GP2: variants seen among roughly 807,000 people sequenced by gnomAD.
The protein encoded by GP2 is glycoprotein 2.
GP2 carries 58 observed loss-of-function variants against 60.8 expected under a neutral mutation model. That is an observed-to-expected ratio of 0.95 (90% CI 0.77 to 1.19). The LOEUF (loss-of-function observed/expected upper bound fraction) is 1.19. GP2 is among the 50% of genes most tolerant of loss of function. GP2 has a pLI of 0.00. For synonymous variants in GP2, 280 were observed against 253.4 expected, an observed-to-expected ratio of 1.10 and a Z score of -1.00; for missense variants, 647 against 667.4, an observed-to-expected ratio of 0.97 and a Z score of 0.34.
intron 1 of GP2, chr16:20,326,878 G>A (rs566517640): frequency 4.1e-5 from 7 of 172,204 alleles, no homozygotes; most frequent in African/African-American, 1.2e-4. Context: ...ATGCCAAACC[G>A]AGCCTCATGT....
In GP2 at chr16:20,310,762, T is replaced by TC. The variant is rs1963972327; in HGVS notation, c.*460_*461insG. On this transcript the variant is annotated 3_prime_UTR_variant, in exon 11 of 11. Coordinates refer to ENST00000302555, the MANE Select transcript of GP2 (RefSeq NM_001502.4). ...CCACTATGTTGCTTTTCTTTTTTTT[T>TC]TTTTTTTTTCCTGAGACAGAGTCTT... The TC allele has an allele frequency of 6.6e-6, 1 of 152,076 alleles. No homozygotes were observed. The highest frequency in any genetic ancestry group is 2.0e-4 in the East Asian group (1 of 5,122). 9.4% of individuals were successfully genotyped at this position (152,076 alleles called of 1,614,324 possible).
Position 20,316,425 on chromosome 16 carries a change from G to A in GP2, c.1417-385C>T, listed in dbSNP as rs1437756377. On this transcript the variant is annotated intron_variant, in intron 8 of 10. Transcript: ENST00000302555. Reference sequence around the variant, plus strand: ...GTTCCAAATGCAGGCAAGAGCAGGGGCACTGGAGCCACCTCTCGGCTGGGG... The same window carrying A: ...GTTCCAAATGCAGGCAAGAGCAGGGACACTGGAGCCACCTCTCGGCTGGGG... Among the ~76,000 whole-genome samples the A allele has an allele frequency of 3.3e-5, 5 of 152,326 alleles. No individual in the cohort carries two copies. The East Asian group carries it at 9.7e-4, about 29-fold the overall frequency.
intron 5 of GP2, 103 bp from the exon 6 acceptor site, chr16:20,319,871 A>C (rs979730341): frequency 1.9e-5 from 17 of 893,828 alleles, no homozygotes; most frequent in Non-Finnish European, 2.4e-5. Context: ...TTAACCATGC[A>C]GCCACCCTAC....
chr16:20,326,219 A>G, intron 2 of GP2, 119 bp downstream of exon 2: 1 of 758,644 alleles, frequency 1.3e-6, no homozygotes, highest in Non-Finnish European at 2.2e-6. Flanking sequence ...TCTAGCTCTG[A>G]GTTTTTGCTT....
chr16:20,323,555 C>A (rs1169398747), intron 3 of GP2: 2 of 577,766 alleles, frequency 3.5e-6, no homozygotes, highest in African/African-American at 3.7e-5. Context: ...TCAAATGGAG[C>A]CAAAATCGGA....
intron 8 of GP2, among the ~76,000 whole-genome samples, chr16:20,316,903 C>T (rs568523089): frequency 6.6e-6 from 1 of 150,648 alleles, no homozygotes; most frequent in Non-Finnish European, 1.5e-5. Flanking sequence ...TCCTGTATTC[C>T]TTTCTCCCTC....
chr16:20,316,679 T>C (rs1964183611), intron 8 of GP2, among the ~76,000 whole-genome samples: 1 of 152,156 alleles, frequency 6.6e-6, no homozygotes, highest in African/African-American at 2.4e-5. Context: ...AGTAGACAGA[T>C]TTCTTTATCA....
chr16:20,315,288 C>T (rs1671538843), intron 9 of GP2, among the ~76,000 whole-genome samples: 1 of 152,120 alleles, frequency 6.6e-6, no homozygotes, highest in South Asian at 2.1e-4. Flanking sequence ...TTATTACCAA[C>T]ATTACTGCAT....
intron 10 of GP2, 53 bp downstream of exon 10, chr16:20,314,604 A>G: frequency 8.0e-7 from 1 of 1,243,244 alleles, no homozygotes; most frequent in African/African-American, 1.5e-5. Context: ...CAGAATTGAA[A>G]AGAGAAAGGA....
Position 20,323,350 on chromosome 16 carries a change from C to T in GP2, c.536-371G>A, listed in dbSNP as rs1329942411. 7.0e-6 allele frequency: 5 copies of T among 718,350 alleles called. No individual in the cohort carries two copies. In the East Asian group the frequency reaches 1.3e-4, roughly 19 times the overall value. 44.5% of individuals were successfully genotyped at this position (718,350 alleles called of 1,614,324 possible). The stretch of plus-strand genomic sequence containing the variant: ...AGGAGAGCCCCTTAATCTCTCTGTG[C>T]CCCTAACTGGGGTAATTAGGTAGCA... On this transcript the variant is annotated intron_variant, in intron 3 of 10. Transcript: ENST00000302555.
rs1186194925 is a variant in GP2 at position 20,320,392 on chromosome 16, AG to A, written c.727del (p.Leu243TrpfsTer30). On this transcript the variant is annotated frameshift_variant, in exon 5 of 11. Coordinates refer to ENST00000302555, the MANE Select transcript of GP2 (RefSeq NM_001502.4). LOFTEE classifies it high-confidence loss of function. The part of the protein sequence containing the change: ...VKVDKCLLGG[L>X]GLGEEVIAYL... ...GGCAATGACCTCCTCCCCCAAACCC[AG>A]GCCTCCCAGCAAACATTTGTCCACC... 3 of 1,613,758 alleles carry A rather than the reference AG, an allele frequency of 1.9e-6. No homozygotes were observed. The African/African-American group carries it at 4.0e-5, about 22-fold the overall frequency.
rs1325484121 is a variant in GP2 at position 20,309,690 on chromosome 16, G to T, written c.*1533C>A. 8 of 152,266 alleles carry T rather than the reference G, an allele frequency of 5.3e-5. No individual in the cohort carries two copies. The East Asian group carries it at 9.6e-4, about 18-fold the overall frequency. The allele number at this position is 152,266 out of a possible 1,614,324, so 9.4% of individuals were successfully genotyped here. On this transcript the variant is annotated 3_prime_UTR_variant, in exon 11 of 11. Coordinates refer to ENST00000302555, the MANE Select transcript of GP2 (RefSeq NM_001502.4). ...ATACACAGTCATAAAAGGCTATGTG[G>T]CTTCAGAAAGAGGAACAGAAGGCAA...
At chr16:20,311,349 T>C (rs1381551883) in intron 10 of GP2, 68 bp from the exon 11 acceptor site, 5 of 912,896 alleles carry the variant, frequency 5.5e-6, no homozygotes, top group African/African-American at 1.6e-5. Context: ...TAAGTTGGCC[T>C]CTTTGTCTTT....
Position 20,322,920 on chromosome 16 carries a change from C to T in GP2, c.595G>A (p.Ala199Thr), listed in dbSNP as rs759438755. 16 of 1,613,280 alleles carry T rather than the reference C, an allele frequency of 9.9e-6. No homozygotes were observed. Among genetic ancestry groups the T allele is most frequent in the East Asian group, 2.2e-5 (1 of 44,888 alleles). ...AAACAGCCCCAGGTGCTGTTGAGGG[C>T]AAGGCACTCCTCCTCGGGGCGGCAG... is the stretch of plus-strand genomic sequence containing the variant. ...KACRPEEECLALNSTWGCFCR... is the reference protein window; with the variant it reads ...KACRPEEECLTLNSTWGCFCR... Residue 199 changes from alanine (A) to threonine (T), a missense_variant, in exon 4 of 11, where the codon GCC becomes ACC. Ala to Thr is a moderately conservative substitution (Grantham distance 58, BLOSUM62 0). Transcript: ENST00000302555.
At chr16:20,311,522 G>T (rs1183660435) in intron 10 of GP2, among the ~76,000 whole-genome samples, 1 of 152,098 alleles carries the variant, frequency 6.6e-6, no homozygotes, top group East Asian at 1.9e-4. Context: ...AACTAGGTGG[G>T]GCCATGTGAC....
chr16:20,320,581 G>T (rs1964327283), intron 4 of GP2, 108 bp from the exon 5 acceptor site: 1 of 760,360 alleles, frequency 1.3e-6, no homozygotes, highest in South Asian at 1.7e-5. Flanking sequence ...AGACTAGAAG[G>T]TCCCTGGGAT....
chr16:20,313,959 G>A (rs1005749571), intron 10 of GP2, among the ~76,000 whole-genome samples: 28 of 152,100 alleles, frequency 1.8e-4, no homozygotes, highest in African/African-American at 5.6e-4. Context: ...GTGCTGCCCC[G>A]CTAGCCTTGG....
At chr16:20,319,446 G>C (rs1964279192) in intron 6 of GP2, among the ~76,000 whole-genome samples, 174 bp downstream of exon 6, 1 of 152,188 alleles carries the variant, frequency 6.6e-6, no homozygotes, top group African/African-American at 2.4e-5. Flanking sequence ...CCTTGTTCAT[G>C]CTGAACATCT....
At position 20,323,035 on chromosome 16, in the gene GP2, G is replaced by A. The variant is rs773278223; in HGVS notation, c.536-56C>T. 4.1e-6 allele frequency: 4 copies of A among 965,788 alleles called. No homozygotes were observed. The East Asian group carries it at 9.7e-5, about 23-fold the overall frequency. The allele number at this position is 965,788 out of a possible 1,614,324, so 59.8% of individuals were successfully genotyped here. On this transcript the variant is annotated intron_variant, in intron 3 of 10. Transcript: ENST00000302555. ...AGGATGCAGTGCGGGCTGGACTTGA[G>A]GCCCCCAAGTCCAACCCTTTCATTT... is the stretch of plus-strand genomic sequence containing the variant.
Sources: gnomAD v4.1 joint callset for allele counts (sites outside exome capture counted in the v4.1 genomes callset) on GRCh38, gnomAD v4.1.1 for gene constraint, MANE v1.5 for transcripts, NCBI Gene and HGNC (gene_info 2026-07-23, HGNC 2026-07-21) for gene names.